FHIT: variants seen among roughly 807,000 people sequenced by gnomAD.
The protein encoded by FHIT is fragile histidine triad diadenosine triphosphatase.
Under a neutral mutation model 17.9 loss-of-function variants are expected in FHIT, and 19 were observed. The ratio of observed to expected loss-of-function variants is 1.06; its 90% confidence interval spans 0.74 to 1.56. FHIT has a LOEUF of 1.56. FHIT is among the 40% of genes most tolerant of loss of function. The probability of loss-of-function intolerance (pLI) is 0.00; values close to 1 mark genes in which losing one functional copy is unlikely to be tolerated. For missense variants in FHIT, 248 were observed against 189.2 expected (o/e 1.31, Z -1.82); for synonymous variants, 81 against 69.7 (o/e 1.16, Z -0.81).
intron 2 of FHIT, among the ~76,000 whole-genome samples, chr3:61,045,568 T>A (rs1298827394): frequency 6.6e-6 from 1 of 152,134 alleles, no homozygotes; most frequent in African/African-American, 2.4e-5. Context: ...CTGTCAACAT[T>A]AGACAGATCA....
chr3:60,038,840 C>CA (rs1288938238), intron 5 of FHIT, among the ~76,000 whole-genome samples: 4 of 152,174 alleles, frequency 2.6e-5, no homozygotes, highest in Non-Finnish European at 5.9e-5. Flanking sequence ...AATTTCTACA[C>CA]AAAAAATAAG....
At chr3:60,440,986 A>G (rs1245830889) in intron 5 of FHIT, among the ~76,000 whole-genome samples, 1 of 152,188 alleles carries the variant, frequency 6.6e-6, no homozygotes, top group African/African-American at 2.4e-5. Context: ...CTTGTGTGAT[A>G]TAATAACAAG....
chr3:60,218,807 G>T (rs894468417), intron 5 of FHIT, among the ~76,000 whole-genome samples: 1 of 152,046 alleles, frequency 6.6e-6, no homozygotes, highest in African/African-American at 2.4e-5. Flanking sequence ...CTAAGTAAGT[G>T]ACATAAATGA....
At chr3:61,135,846 C>T (rs1214146614) in intron 2 of FHIT, among the ~76,000 whole-genome samples, 1 of 151,934 alleles carries the variant, frequency 6.6e-6, no homozygotes, top group African/African-American at 2.4e-5. Flanking sequence ...GAAAACTGAG[C>T]AAAAACCAGC....
intron 7 of FHIT, among the ~76,000 whole-genome samples, chr3:59,924,019 T>C (rs936775783): frequency 1.3e-5 from 2 of 152,106 alleles, no homozygotes; most frequent in African/African-American, 4.8e-5. Context: ...TCACAAAGAT[T>C]ACGTGAGCAT....
chr3:60,986,028 A>T (rs1710707386), intron 3 of FHIT, among the ~76,000 whole-genome samples: 1 of 152,212 alleles, frequency 6.6e-6, no homozygotes, highest in South Asian at 2.1e-4. Context: ...TCTCCCCCTT[A>T]TAACGACCCT....
intron 5 of FHIT, among the ~76,000 whole-genome samples, chr3:60,407,041 A>G (rs1337740720): frequency 1.4e-5 from 2 of 142,636 alleles, no homozygotes; most frequent in Non-Finnish European, 3.0e-5. Flanking sequence ...TAGTCTATAT[A>G]GTGAACTACT....
chr3:59,964,553 T>C (rs1707833760), intron 7 of FHIT, among the ~76,000 whole-genome samples: 1 of 152,036 alleles, frequency 6.6e-6, no homozygotes, highest in Non-Finnish European at 1.5e-5. Flanking sequence ...TTTCATCCAC[T>C]AGAGGAAAAG....
intron 7 of FHIT, among the ~76,000 whole-genome samples, chr3:60,006,095 T>C (rs773061480): frequency 6.6e-6 from 1 of 152,132 alleles, no homozygotes; most frequent in Non-Finnish European, 1.5e-5. Context: ...CTTCTTCAGG[T>C]AACTGTGAAG....
chr3:60,278,719 A>AT (rs1215083023), intron 5 of FHIT, among the ~76,000 whole-genome samples: 1 of 120,038 alleles, frequency 8.3e-6, no homozygotes, highest in Non-Finnish European at 1.9e-5. Flanking sequence ...AAACCTCATA[A>AT]CAAAAAAAAA....
At chr3:60,962,663 C>A (rs1245224544) in intron 3 of FHIT, among the ~76,000 whole-genome samples, 1 of 152,122 alleles carries the variant, frequency 6.6e-6, no homozygotes, top group Non-Finnish European at 1.5e-5. Context: ...TTGTCAAAGG[C>A]CTTTTCTGCA....
chr3:60,284,415 T>C (rs1404610951), intron 5 of FHIT, among the ~76,000 whole-genome samples: 1 of 152,130 alleles, frequency 6.6e-6, no homozygotes, highest in Non-Finnish European at 1.5e-5. Flanking sequence ...TATTAACAGA[T>C]AAGGTCTAAT....
intron 4 of FHIT, among the ~76,000 whole-genome samples, chr3:60,806,287 T>C (rs1701384965): frequency 6.6e-6 from 1 of 152,124 alleles, no homozygotes; most frequent in African/African-American, 2.4e-5. Context: ...AGCCATTGCC[T>C]CTCCCAAGAA....
chr3:60,182,913 T>TA (rs561013009), intron 5 of FHIT, among the ~76,000 whole-genome samples: 1,979 of 136,678 alleles, frequency 0.014, 32 homozygotes, highest in African/African-American at 0.041. Context: ...AATGGAGGGT[T>TA]AAAAAAAAAA....
intron 3 of FHIT, among the ~76,000 whole-genome samples, chr3:61,018,366 TAGCA>T (rs1206171037): frequency 6.6e-6 from 1 of 152,232 alleles, no homozygotes; most frequent in African/African-American, 2.4e-5. Flanking sequence ...TCTGAGCAAA[TAGCA>T]AACCAACTTG....
intron 2 of FHIT, among the ~76,000 whole-genome samples, chr3:61,128,940 T>A (rs1181227377): frequency 6.6e-6 from 1 of 152,044 alleles, no homozygotes; most frequent in Admixed American, 6.6e-5. Flanking sequence ...TGTTCTTACT[T>A]AGGAAAAATG....
chr3:60,320,967 C>G (rs146425576), intron 5 of FHIT, among the ~76,000 whole-genome samples: 3 of 152,244 alleles, frequency 2.0e-5, no homozygotes, highest in Non-Finnish European at 2.9e-5. Context: ...AATCAAATGA[C>G]ATGGCCATCA....
chr3:60,958,924 G>A (rs1709290772), intron 3 of FHIT, among the ~76,000 whole-genome samples: 1 of 152,128 alleles, frequency 6.6e-6, no homozygotes, highest in Non-Finnish European at 1.5e-5. Context: ...AATGTAGTAA[G>A]GACAGAAAAA....
At chr3:60,100,570 TGACCCC>T (rs1178027254) in intron 5 of FHIT, among the ~76,000 whole-genome samples, 1 of 152,142 alleles carries the variant, frequency 6.6e-6, no homozygotes, top group Non-Finnish European at 1.5e-5. Flanking sequence ...CTCACTACGC[TGACCCC>T]GAGTGGTTCC....
Sources: gnomAD v4.1 joint callset for allele counts (sites outside exome capture counted in the v4.1 genomes callset) on GRCh38, gnomAD v4.1.1 for gene constraint, MANE v1.5 for transcripts, NCBI Gene and HGNC (gene_info 2026-07-23, HGNC 2026-07-21) for gene names.